The following CDH13 variants were observed in gnomAD, a reference collection of about 807,000 sequenced individuals.
The protein encoded by CDH13 is cadherin 13, also known as cadherin-13.
Under a neutral mutation model 63.8 loss-of-function variants are expected in CDH13, and 24 were observed. That is an observed-to-expected ratio of 0.38 (90% CI 0.27 to 0.53). The LOEUF is 0.53. Ranked by LOEUF, CDH13 falls within the 20% of genes least tolerant of loss-of-function variation. The pLI is 0.85. For synonymous variants in CDH13, 503 were observed against 355.3 expected (o/e 1.42, Z -4.67); for missense variants, 1,049 against 903.1 (o/e 1.16, Z -2.07).
intron 2 of CDH13, among the ~76,000 whole-genome samples, chr16:82,925,280 C>A (rs1260511064): frequency 2.6e-5 from 4 of 152,156 alleles, no homozygotes; most frequent in Non-Finnish European, 5.9e-5. Context: ...CCTCAGAGCA[C>A]CCCTAGCTGG....
intron 1 of CDH13, among the ~76,000 whole-genome samples, chr16:82,812,561 A>G (rs1228819893): frequency 2.0e-5 from 3 of 152,122 alleles, no homozygotes; most frequent in African/African-American, 7.2e-5. Context: ...TGAAACTCAA[A>G]GTCGCAAGAG....
chr16:82,871,491 C>T (rs1245763449), intron 2 of CDH13, among the ~76,000 whole-genome samples: 1 of 152,178 alleles, frequency 6.6e-6, no homozygotes, highest in African/African-American at 2.4e-5. Context: ...TTGACACTAA[C>T]AGGCATCTAA....
intron 4 of CDH13, among the ~76,000 whole-genome samples, chr16:83,146,743 G>T (rs1467294850): frequency 1.3e-5 from 2 of 152,110 alleles, no homozygotes; most frequent in African/African-American, 4.8e-5. Flanking sequence ...GGACAAAATA[G>T]GCCATAGATA....
intron 4 of CDH13, among the ~76,000 whole-genome samples, chr16:83,162,905 C>T (rs1255730519): frequency 2.0e-5 from 3 of 152,060 alleles, no homozygotes; most frequent in Non-Finnish European, 2.9e-5. Flanking sequence ...TTGGGCTGCT[C>T]CCAAGTCTAG....
chr16:82,891,305 G>A (rs773974138), intron 2 of CDH13, among the ~76,000 whole-genome samples: 53 of 152,068 alleles, frequency 3.5e-4, no homozygotes, highest in African/African-American at 4.8e-4. Context: ...AGCAGATTTC[G>A]TGGAACCCAG....
intron 7 of CDH13, among the ~76,000 whole-genome samples, chr16:83,562,277 G>C (rs1289311756): frequency 6.6e-6 from 1 of 152,124 alleles, no homozygotes; most frequent in Non-Finnish European, 1.5e-5. Context: ...ATCCTTGTCA[G>C]ATAATAAGAA....
chr16:82,978,687 G>C (rs1182229668), intron 2 of CDH13, among the ~76,000 whole-genome samples: 1 of 152,276 alleles, frequency 6.6e-6, no homozygotes, highest in Non-Finnish European at 1.5e-5. Context: ...TTCAGAGGAT[G>C]TGTGGAAACA....
intron 2 of CDH13, among the ~76,000 whole-genome samples, chr16:82,900,861 G>A (rs1174500634): frequency 6.6e-6 from 1 of 152,216 alleles, no homozygotes; most frequent in Non-Finnish European, 1.5e-5. Context: ...CCCCAGGCAG[G>A]AGACTCAGAA....
chr16:83,740,425 T>C (rs1275917194), intron 10 of CDH13, among the ~76,000 whole-genome samples: 1 of 152,084 alleles, frequency 6.6e-6, no homozygotes, highest in Admixed American at 6.5e-5. Context: ...ACCACCTGCC[T>C]CCTACAATAA....
At chr16:83,566,767 T>G (rs1208446026) in intron 7 of CDH13, among the ~76,000 whole-genome samples, 1 of 152,150 alleles carries the variant, frequency 6.6e-6, no homozygotes, top group Non-Finnish European at 1.5e-5. Flanking sequence ...AGCTCATCAT[T>G]TTTCATCTGC....
chr16:83,661,546 C>T (rs1913446171), intron 8 of CDH13, among the ~76,000 whole-genome samples: 1 of 151,980 alleles, frequency 6.6e-6, no homozygotes, highest in Admixed American at 6.5e-5. Context: ...TCCACTGCAT[C>T]GTTTTCCTGT....
intron 3 of CDH13, among the ~76,000 whole-genome samples, chr16:83,124,490 C>G (rs977177773): frequency 7.9e-5 from 12 of 151,262 alleles, no homozygotes; most frequent in Non-Finnish European, 1.6e-4. Context: ...TTTTGCTGTG[C>G]AGAAGCTTTT....
At chr16:83,464,427 G>A (rs540566767) in intron 6 of CDH13, among the ~76,000 whole-genome samples, 40 of 152,304 alleles carry the variant, frequency 2.6e-4, no homozygotes, top group Admixed American at 5.9e-4. Context: ...CAGGAGAATC[G>A]CTTGAACCGA....
intron 1 of CDH13, among the ~76,000 whole-genome samples, chr16:82,834,409 C>G (rs1033228560): frequency 3.2e-4 from 49 of 151,996 alleles, no homozygotes; most frequent in African/African-American, 1.1e-3. Flanking sequence ...TATTCAGGGC[C>G]AAGAAGGAGA....
intron 6 of CDH13, among the ~76,000 whole-genome samples, chr16:83,481,529 T>C (rs983620084): frequency 1.3e-5 from 2 of 152,176 alleles, no homozygotes; most frequent in Admixed American, 1.3e-4. Context: ...CGGCACTTGC[T>C]TTAATGAGAG....
At chr16:83,274,375 T>C (rs371869919) in intron 5 of CDH13, among the ~76,000 whole-genome samples, 10 of 152,312 alleles carry the variant, frequency 6.6e-5, no homozygotes, top group East Asian at 3.9e-4. Flanking sequence ...TATAATGTTC[T>C]TCCTGCCACT....
chr16:82,977,771 G>A, intron 2 of CDH13, among the ~76,000 whole-genome samples: 1 of 152,196 alleles, frequency 6.6e-6, no homozygotes, highest in Admixed American at 6.5e-5. Flanking sequence ...AAGTGACTTT[G>A]GAACTGGGTA....
At chr16:83,325,569 G>T (rs1324892160) in intron 5 of CDH13, among the ~76,000 whole-genome samples, 2 of 152,158 alleles carry the variant, frequency 1.3e-5, no homozygotes, top group Non-Finnish European at 2.9e-5. Context: ...ATACATGAAT[G>T]AGCATAGCTT....
chr16:82,706,736 G>A lies in CDH13; in HGVS notation c.45+79599G>A, dbSNP rs534398370. 4.6e-5 allele frequency among the ~76,000 whole-genome samples: 7 copies of A among 152,024 alleles called. No individual in the cohort carries two copies. In the South Asian group the frequency reaches 8.3e-4, roughly 18 times the overall value. On this transcript the variant is annotated intron_variant, in intron 1 of 13. Transcript: ENST00000567109. Reference sequence around the variant, plus strand: ...GGAGAATTGGTTGAACCCAGGAGACGGAGGTTGCGGTGAGCTGAGATCATG... The same window carrying A: ...GGAGAATTGGTTGAACCCAGGAGACAGAGGTTGCGGTGAGCTGAGATCATG...
Sources: gnomAD v4.1 joint callset for allele counts (sites outside exome capture counted in the v4.1 genomes callset) on GRCh38, gnomAD v4.1.1 for gene constraint, MANE v1.5 for transcripts, NCBI Gene and HGNC (gene_info 2026-07-23, HGNC 2026-07-21) for gene names.